PPFIA2: variants seen among roughly 807,000 people sequenced by gnomAD.
The protein encoded by PPFIA2 is liprin-alpha-2.
In PPFIA2, 46 loss-of-function variants were observed where a neutral mutation model predicts 175.5. The observed-to-expected ratio is 0.26, with a 90% confidence interval of 0.21 to 0.34. PPFIA2 has a LOEUF of 0.34. Ranked by LOEUF, PPFIA2 falls within the 10% of genes least tolerant of loss-of-function variation. The probability of loss-of-function intolerance (pLI) is 1.00; values close to 1 mark genes in which losing one functional copy is unlikely to be tolerated. For missense variants in PPFIA2, 1,179 were observed against 1,506.1 expected (o/e 0.78, Z 3.60); for synonymous variants, 568 against 511.4 (o/e 1.11, Z -1.49).
chr12:81,419,163 A>G (rs2045837324), intron 7 of PPFIA2, among the ~76,000 whole-genome samples: 1 of 152,022 alleles, frequency 6.6e-6, no homozygotes, highest in South Asian at 2.1e-4. Context: ...GTATCCACCA[A>G]GTAGACAGTA....
At chr12:81,679,830 A>G (rs1369033051) in intron 3 of PPFIA2, among the ~76,000 whole-genome samples, 1 of 151,990 alleles carries the variant, frequency 6.6e-6, no homozygotes, top group Non-Finnish European at 1.5e-5. Flanking sequence ...GAATTTTCTC[A>G]GGTGTGCATA....
chr12:81,353,374 C>A, intron 16 of PPFIA2, 35 bp from the exon 17 acceptor site: 1 of 1,422,090 alleles, frequency 7.0e-7, no homozygotes, highest in South Asian at 1.2e-5. Context: ...GAATATTTAT[C>A]ATATTGCTCA....
At position 81,518,600 on chromosome 12, in the gene PPFIA2, T is replaced by C. The variant is rs560216543; in HGVS notation, c.304-60734A>G. Among the ~76,000 whole-genome samples the C allele has an allele frequency of 3.8e-3, 573 of 152,160 alleles. 3 individuals carry two copies. Among genetic ancestry groups the C allele is most frequent in the African/African-American group, 0.013 (536 of 41,518 alleles). ...TATTCATCTTAGATAGTACAACCCA[T>C]CATGGTAAGCACTTTCTTACTGACA... On this transcript the variant is annotated intron_variant, in intron 4 of 32. Transcript: ENST00000549396.
chr12:81,754,424 TTC>T (rs897908107), intron 2 of PPFIA2, among the ~76,000 whole-genome samples: 5 of 152,198 alleles, frequency 3.3e-5, no homozygotes, highest in African/African-American at 1.2e-4. Flanking sequence ...CCTAAGTGCT[TTC>T]TCTTTCCATG....
chr12:81,739,784 G>GT (rs1177072886), intron 3 of PPFIA2, among the ~76,000 whole-genome samples: 1 of 152,076 alleles, frequency 6.6e-6, no homozygotes, highest in Non-Finnish European at 1.5e-5. Context: ...ACAAGATAGT[G>GT]TCAAATTCTA....
At chr12:81,597,446 C>T (rs1473823907) in intron 4 of PPFIA2, among the ~76,000 whole-genome samples, 1 of 151,886 alleles carries the variant, frequency 6.6e-6, no homozygotes, top group East Asian at 1.9e-4. Context: ...GTTCTTAAAC[C>T]TCCTGTATTG....
intron 4 of PPFIA2, among the ~76,000 whole-genome samples, chr12:81,597,759 TCA>T (rs1437100974): frequency 3.3e-5 from 5 of 151,846 alleles, no homozygotes; most frequent in Admixed American, 6.6e-5. Context: ...TTTTTTTAAT[TCA>T]CAGAGACTCC....
intron 4 of PPFIA2, among the ~76,000 whole-genome samples, chr12:81,479,741 G>A (rs570206412): frequency 5.3e-5 from 8 of 152,216 alleles, no homozygotes; most frequent in African/African-American, 1.7e-4. Flanking sequence ...TAAGAATGTT[G>A]AATATTGGCC....
chr12:81,685,211 C>G (rs566525811), intron 3 of PPFIA2, among the ~76,000 whole-genome samples: 1 of 152,124 alleles, frequency 6.6e-6, no homozygotes, highest in Middle Eastern at 3.4e-3. Flanking sequence ...TCACCGAATA[C>G]CAGCTCCTTA....
At chr12:81,734,432 G>C (rs561052322) in intron 3 of PPFIA2, among the ~76,000 whole-genome samples, 3 of 151,916 alleles carry the variant, frequency 2.0e-5, no homozygotes, top group South Asian at 2.1e-4. Context: ...GAATACAAAG[G>C]GGGAGAGAGG....
At chr12:81,277,465 T>C in intron 27 of PPFIA2, 51 bp from the exon 28 acceptor site, 1 of 1,436,876 alleles carries the variant, frequency 7.0e-7, no homozygotes. Flanking sequence ...CCTTAGCAGG[T>C]GGAGAAAGTT....
chr12:81,404,024 C>T (rs933658033), intron 8 of PPFIA2, among the ~76,000 whole-genome samples: 4 of 152,094 alleles, frequency 2.6e-5, no homozygotes, highest in African/African-American at 9.7e-5. Flanking sequence ...CCTCATGCCC[C>T]ACAGTCAATT....
At chr12:81,560,561 T>C (rs779109280) in intron 4 of PPFIA2, among the ~76,000 whole-genome samples, 1 of 152,202 alleles carries the variant, frequency 6.6e-6, no homozygotes, top group African/African-American at 2.4e-5. Flanking sequence ...TAAGAGCCTA[T>C]GTGTCAGGCA....
At chr12:81,405,323 T>C (rs1206588647) in intron 8 of PPFIA2, among the ~76,000 whole-genome samples, 1 of 152,118 alleles carries the variant, frequency 6.6e-6, no homozygotes, top group Non-Finnish European at 1.5e-5. Flanking sequence ...TTACCAACAA[T>C]TTTCGCAGTC....
intron 7 of PPFIA2, among the ~76,000 whole-genome samples, chr12:81,418,207 C>T (rs1288378903): frequency 1.3e-5 from 2 of 151,796 alleles, no homozygotes; most frequent in African/African-American, 4.8e-5. Flanking sequence ...TATAGCTCCT[C>T]TTTGGAGTAG....
intron 28 of PPFIA2, among the ~76,000 whole-genome samples, chr12:81,276,404 C>G (rs534095773): frequency 6.6e-6 from 1 of 152,200 alleles, no homozygotes; most frequent in East Asian, 1.9e-4. Flanking sequence ...GCACTTGAAC[C>G]CTTTAAATTT....
intron 22 of PPFIA2, among the ~76,000 whole-genome samples, chr12:81,316,754 C>T (rs1367040084): frequency 1.3e-5 from 2 of 151,530 alleles, no homozygotes; most frequent in African/African-American, 4.8e-5. Flanking sequence ...AAATATGCTA[C>T]CCTTTCCAGA....
intron 4 of PPFIA2, among the ~76,000 whole-genome samples, chr12:81,663,391 A>C (rs1273302198): frequency 6.6e-6 from 1 of 152,154 alleles, no homozygotes; most frequent in African/African-American, 2.4e-5. Context: ...CTTATACACC[A>C]ATAACAGACA....
At chr12:81,439,773 T>C (rs2049818873) in intron 7 of PPFIA2, 199 bp downstream of exon 7, 1 of 513,830 alleles carries the variant, frequency 1.9e-6, no homozygotes, top group Non-Finnish European at 3.3e-6. Context: ...AATTTTCCTT[T>C]GGTCTAGTAG....
Sources: allele counts gnomAD v4.1 joint callset (sites outside exome capture counted in the v4.1 genomes callset), GRCh38; gene constraint gnomAD v4.1.1; transcripts MANE v1.5; gene names NCBI Gene and HGNC (gene_info 2026-07-23, HGNC 2026-07-21).